The following SLC24A1 variants were observed in gnomAD, a reference collection of about 807,000 sequenced individuals.
SLC24A1 encodes the protein solute carrier family 24 member 1.
Under a neutral mutation model 88.1 loss-of-function variants are expected in SLC24A1, and 52 were observed. The observed-to-expected ratio is 0.59, with a 90% CI of 0.47 to 0.74. The LOEUF is 0.74. SLC24A1 is among the 30% of genes least tolerant of loss of function. The pLI is 0.00. For missense variants in SLC24A1, 1,173 were observed against 1,363.3 expected, an observed-to-expected ratio of 0.86 and a Z score of 2.20; for synonymous variants, 455 against 498.0, an observed-to-expected ratio of 0.91 and a Z score of 1.15.
rs181087568 is a variant in SLC24A1, at chr15:65,651,611, G to A, written c.2794-59G>A. 1,215 of 866,186 alleles carry A rather than the reference G, an allele frequency of 1.4e-3. 7 individuals are homozygous for A. Among genetic ancestry groups the A allele is most frequent in the Non-Finnish European group, 8.5e-4 (439 of 518,558 alleles). The allele number at this position is 866,186 out of a possible 1,614,324, so 53.7% of individuals were successfully genotyped here. A position where few individuals can be genotyped will look rare whatever the true frequency, so the allele number is the denominator to read the frequency against. ...ACTGATTGTTGGGCTTGCTCAGAAG[G>A]GCCAAAGACCTTTTAACCTCTACAG... On this transcript the variant is annotated intron_variant, in intron 7 of 9. Transcript: ENST00000261892.
chr15:65,639,079 T>G (rs2075035842), intron 3 of SLC24A1, among the ~76,000 whole-genome samples: 1 of 152,214 alleles, frequency 6.6e-6, no homozygotes, highest in Admixed American at 6.5e-5. Flanking sequence ...TCTGACTCTT[T>G]CATTTACTTC....
chr15:65,640,167 C>G (rs958167351), intron 4 of SLC24A1, among the ~76,000 whole-genome samples: 1 of 152,114 alleles, frequency 6.6e-6, no homozygotes, highest in Non-Finnish European at 1.5e-5. Flanking sequence ...GGTCCCAAAG[C>G]CCAGAAGTTC....
chr15:65,612,989 G>A (rs2074015278), intron 2 of SLC24A1, among the ~76,000 whole-genome samples: 1 of 152,172 alleles, frequency 6.6e-6, no homozygotes, highest in Non-Finnish European at 1.5e-5. Flanking sequence ...TTCCTCCTTA[G>A]TGGAATCCCA....
rs115370128 is a variant in SLC24A1 at position 65,621,944 on chromosome 15, G to A, written c.-275G>A. On this transcript the variant is annotated 5_prime_UTR_variant, in exon 1 of 10. Coordinates refer to ENST00000261892, the MANE Select transcript of SLC24A1 (RefSeq NM_004727.3). ...TTCCCCTGAGCTGCCCTTCACACCC[G>A]ACCCTGCCTTGAATTAGGATTCCAT... 393 of 152,310 alleles carry A rather than the reference G, an allele frequency of 2.6e-3. 1 individual carries two copies. The highest frequency in any genetic ancestry group is 9.1e-3 in the African/African-American group (377 of 41,536). The allele number at this position is 152,310 out of a possible 1,614,324, so 9.4% of individuals were successfully genotyped here. A position where few individuals can be genotyped will look rare whatever the true frequency, so the allele number is the denominator to read the frequency against.
chr15:65,652,687 A>G lies in SLC24A1; in HGVS notation c.2929A>G (p.Ile977Val), dbSNP rs1293058279. The part of the protein sequence containing the change: ...GISEEIMGLT[I>V]LAAGTSIPDL... ...TTCTGAAGAGATCATGGGCCTGACAATCCTTGCAGCAGGCACATCAATTCC... is the reference window on the plus strand; with the variant it reads ...TTCTGAAGAGATCATGGGCCTGACAGTCCTTGCAGCAGGCACATCAATTCC... Residue 977 changes from isoleucine to valine, a missense_variant, in exon 9 of 10, where the codon ATC (isoleucine) becomes GTC (valine). Transcript: ENST00000261892. 2.5e-6 allele frequency: 4 copies of G among 1,613,830 alleles called. No individual in the cohort carries two copies. The highest frequency in any genetic ancestry group is 2.2e-5 in the East Asian group (1 of 44,894).
chr15:65,640,972 A>T (rs1380766970), intron 4 of SLC24A1, among the ~76,000 whole-genome samples: 3 of 152,084 alleles, frequency 2.0e-5, no homozygotes, highest in African/African-American at 7.2e-5. Flanking sequence ...GAGACGGGAG[A>T]GTCACTTGAA....
At chr15:65,623,239 G>C (rs948662278) in intron 1 of SLC24A1, among the ~76,000 whole-genome samples, 2 of 152,122 alleles carry the variant, frequency 1.3e-5, no homozygotes, top group African/African-American at 4.8e-5. Flanking sequence ...TCCTTCTAGA[G>C]ATTATCTTTG....
downstream of SLC24A1, chr15:65,659,328 T>G (rs1470984697): frequency 2.4e-5 from 3 of 123,616 alleles, no homozygotes; most frequent in African/African-American, 5.9e-5. Context: ...TCTGGTTTTT[T>G]TTTTTTTTTT....
Position 65,616,839 on chromosome 15 carries a change from T to A in SLC24A1, c.-227-2041T>A, listed in dbSNP as rs1340176093. Among the ~76,000 whole-genome samples the A allele has an allele frequency of 3.9e-5, 6 of 152,226 alleles. No homozygotes were observed. In the East Asian group the frequency reaches 1.2e-3, roughly 29 times the overall value. ...GAATGGTATTGCCTAGGTTTTCTTC[T>A]AGGGTTTTTATGGTTTTAGGTCTAA... On this transcript the variant is annotated intron_variant, in intron 2 of 11. Transcript: ENST00000537259.
chr15:65,651,935 A>T, intron 8 of SLC24A1, 176 bp downstream of exon 8: 1 of 633,484 alleles, frequency 1.6e-6, no homozygotes, highest in South Asian at 1.5e-5. Context: ...GTGCTTCTCA[A>T]GTGTGGCTTT....
downstream of SLC24A1, among the ~76,000 whole-genome samples, chr15:65,657,636 C>T (rs2075729907): frequency 6.6e-6 from 1 of 151,992 alleles, no homozygotes; most frequent in Non-Finnish European, 1.5e-5. Context: ...AGCGAGACTC[C>T]GTCTCAAAAA....
rs2075485553 is a variant in SLC24A1 at position 65,651,015 on chromosome 15, C to A, written c.2793+73C>A. On this transcript the variant is annotated intron_variant, in intron 7 of 9. Coordinates refer to ENST00000261892, the MANE Select transcript of SLC24A1 (RefSeq NM_004727.3). ...GTGGGGTCTCTCGGCATGCGGGGCT[C>A]ACACTCAAGAGGAGGAAGAGGCCAG... is the stretch of plus-strand genomic sequence containing the variant. 16 of 1,318,636 alleles carry A rather than the reference C, an allele frequency of 1.2e-5. No individual in the cohort carries two copies. The South Asian group carries it at 1.8e-4, about 15-fold the overall frequency. The allele number at this position is 1,318,636 out of a possible 1,614,324, so 81.7% of individuals were successfully genotyped here.
rs1474050239 is a variant in SLC24A1, at chr15:65,624,451, C to T, written c.371C>T (p.Thr124Ile). 6.2e-7 allele frequency: 1 copy of T among 1,611,370 alleles called. No homozygotes were observed. Among genetic ancestry groups the T allele is most frequent in the East Asian group, 2.2e-5 (1 of 44,820 alleles). The part of the protein sequence containing the change: ...MPKRTAKMIP[T>I]TTKNNYSPTA... ...AAAAGAACAGCCAAGATGATCCCAA[C>T]AACAACCAAGAATAATTACAGCCCA... is the stretch of plus-strand genomic sequence containing the variant. Residue 124 changes from threonine (T) to isoleucine (I), a missense_variant, in exon 2 of 10, where the codon ACA becomes ATA. Transcript: ENST00000261892.
intron 6 of SLC24A1, among the ~76,000 whole-genome samples, chr15:65,646,834 G>A (rs779149715): frequency 3.2e-4 from 48 of 152,156 alleles, no homozygotes; most frequent in Admixed American, 5.9e-4. Context: ...AGCAACTTTG[G>A]GTTCAGCGTC....
At position 65,625,910 on chromosome 15, in the gene SLC24A1, G is replaced by A; in HGVS notation, c.1830G>A (p.Val610=). 6.2e-7 allele frequency: 1 copy of A among 1,614,022 alleles called. No homozygotes were observed. The highest frequency in any genetic ancestry group is 8.5e-7 in the Non-Finnish European group (1 of 1,179,908). The change falls in exon 2 of 10, where the codon GTG becomes GTA. Residue 610 remains valine, a synonymous_variant. Transcript: ENST00000261892. ...GGAACAAGCATATCGAGGTCTGGGT[G>A]AAGGAGCAGCTCAGCAGGAGGCCAG... The part of the protein sequence containing the change: ...MKWNKHIEVW[V]KEQLSRRPVA...
intron 2 of SLC24A1, 26 bp from the exon 3 acceptor site, chr15:65,638,102 C>G: frequency 6.3e-7 from 1 of 1,582,538 alleles, no homozygotes; most frequent in Non-Finnish European, 8.6e-7. Context: ...GCCACAACAT[C>G]TCGTGACTCC....
chr15:65,622,205 G>A (rs888538178), intron 1 of SLC24A1, 113 bp downstream of exon 1: 1 of 152,250 alleles, frequency 6.6e-6, no homozygotes, highest in Non-Finnish European at 1.5e-5. Context: ...CTGGGGATAC[G>A]AGTGGGCTTG....
In SLC24A1 at chr15:65,622,502, G is replaced by C. The variant is rs567709201; in HGVS notation, c.-127+410G>C. Among the ~76,000 whole-genome samples the C allele has an allele frequency of 1.7e-4, 26 of 152,242 alleles. No homozygotes were observed. In the South Asian group the frequency reaches 5.0e-3, roughly 29 times the overall value. The stretch of plus-strand genomic sequence containing the variant: ...CTCTGTGTTTTCATATCTCAGATGA[G>C]GAGTTGTACCAGACAGATTCCATGG... On this transcript the variant is annotated intron_variant, in intron 1 of 9. Transcript: ENST00000261892.
chr15:65,625,285 C>T lies in SLC24A1; in HGVS notation c.1205C>T (p.Ala402Val), dbSNP rs1169173803. The T allele has an allele frequency of 1.9e-6, 3 of 1,614,004 alleles. No homozygotes were observed. The highest frequency in any genetic ancestry group is 2.5e-6 in the Non-Finnish European group (3 of 1,179,884). ...TGTGTGGTTGTGAAGCCAACCCCAG[C>T]CATGCTCACCACTCCCTCCCCAAGC... ...HHCVVVKPTP[A>V]MLTTPSPSLT... is the part of the protein sequence containing the mutation. Residue 402 changes from alanine to valine, a missense_variant, in exon 2 of 10, where the codon GCC (alanine) becomes GTC (valine). Ala to Val is a moderately conservative substitution (Grantham distance 64). Transcript: ENST00000261892.
Sources: gnomAD v4.1 joint callset for allele counts (sites outside exome capture counted in the v4.1 genomes callset) on GRCh38, gnomAD v4.1.1 for gene constraint, MANE v1.5 for transcripts, NCBI Gene and HGNC (gene_info 2026-07-23, HGNC 2026-07-21) for gene names.